The following SLC7A11 variants were observed in gnomAD, a reference collection of about 807,000 sequenced individuals.
SLC7A11 encodes solute carrier family 7 member 11, also known as cystine/glutamate transporter.
SLC7A11 carries 35 observed loss-of-function variants against 54.5 expected under a neutral mutation model. That is an observed-to-expected ratio of 0.64 (90% CI 0.49 to 0.85). The LOEUF (loss-of-function observed/expected upper bound fraction) is 0.85. SLC7A11 is among the 40% of genes least tolerant of loss of function. The pLI, the probability that SLC7A11 is intolerant of heterozygous loss-of-function variation, is 0.00. For synonymous variants in SLC7A11, 230 were observed against 225.2 expected, an observed-to-expected ratio of 1.02 and a Z score of -0.19; for missense variants, 583 against 618.1, an observed-to-expected ratio of 0.94 and a Z score of 0.60.
At chr4:138,188,743 C>CCA (rs949280839) in intron 6 of SLC7A11, among the ~76,000 whole-genome samples, 2 of 152,138 alleles carry the variant, frequency 1.3e-5, no homozygotes, top group African/African-American at 2.4e-5. Flanking sequence ...AACCAGTAGG[C>CCA]CACGGATATT....
At chr4:138,204,842 C>T (rs1361098892) in intron 6 of SLC7A11, among the ~76,000 whole-genome samples, 2 of 152,000 alleles carry the variant, frequency 1.3e-5, no homozygotes, top group Admixed American at 6.6e-5. Flanking sequence ...ATCTTCTGAA[C>T]CTTTTAACTA....
intron 6 of SLC7A11, 117 bp downstream of exon 6, chr4:138,214,468 T>A: frequency 2.0e-6 from 1 of 495,318 alleles, no homozygotes; most frequent in Non-Finnish European, 3.7e-6. Flanking sequence ...GTGATGATGA[T>A]GACGATGTTA....
chr4:138,222,910 T>C (rs912010098), intron 4 of SLC7A11, among the ~76,000 whole-genome samples: 1 of 28,018 alleles, frequency 3.6e-5, no homozygotes, highest in Non-Finnish European at 8.3e-5. Context: ...AGTGGCAGGT[T>C]TTTTTTTTTT....
chr4:138,189,788 TG>T (rs779163445), intron 6 of SLC7A11, among the ~76,000 whole-genome samples: 16 of 152,186 alleles, frequency 1.1e-4, no homozygotes, highest in Non-Finnish European at 2.1e-4. Flanking sequence ...AAATGACTAT[TG>T]TTTCCAGTGC....
At chr4:138,237,727 ATATATATATATTTTTTTTTT>A (rs1738260787) in intron 1 of SLC7A11, among the ~76,000 whole-genome samples, 3 of 8,766 alleles carry the variant, frequency 3.4e-4, no homozygotes, top group Middle Eastern at 0.053. Context: ...ATATATATAT[ATATATATATATTTTTTTTTT>A]TTTTTTTTTT....
chr4:138,197,332 GA>G (rs1217290638), intron 6 of SLC7A11, among the ~76,000 whole-genome samples: 3 of 152,160 alleles, frequency 2.0e-5, no homozygotes, highest in African/African-American at 7.2e-5. Flanking sequence ...GAAGTATTCT[GA>G]AAAGTAGAAA....
intron 3 of SLC7A11, among the ~76,000 whole-genome samples, chr4:138,229,753 T>C (rs1350546718): frequency 1.3e-5 from 2 of 152,220 alleles, no homozygotes; most frequent in Admixed American, 6.5e-5. Flanking sequence ...TCTAGACTTA[T>C]AAAAACATAA....
At chr4:138,210,296 A>T (rs1737516906) in intron 6 of SLC7A11, among the ~76,000 whole-genome samples, 1 of 152,014 alleles carries the variant, frequency 6.6e-6, no homozygotes, top group Admixed American at 6.6e-5. Context: ...AAACCCAAGA[A>T]GAAAACCTAG....
chr4:138,167,012 A>G lies in SLC7A11; in HGVS notation c.*4944T>C, dbSNP rs570233968. Reference sequence around the variant, plus strand: ...ACAAAACATTTATTTTTAGACACCAACTAATTGGAAAATATAAGGAAAGAA... The same window carrying G: ...ACAAAACATTTATTTTTAGACACCAGCTAATTGGAAAATATAAGGAAAGAA... On this transcript the variant is annotated 3_prime_UTR_variant, in exon 12 of 12. Coordinates refer to ENST00000280612, the MANE Select transcript of SLC7A11 (RefSeq NM_014331.4). 6.6e-6 allele frequency: 1 copy of G among 152,240 alleles called. No individual in the cohort carries two copies. The highest frequency in any genetic ancestry group is 2.4e-5 in the African/African-American group (1 of 41,540). The allele number at this position is 152,240 out of a possible 1,614,324, so 9.4% of individuals were successfully genotyped here. A position where few individuals can be genotyped will look rare whatever the true frequency, so the allele number is the denominator to read the frequency against.
In SLC7A11 at chr4:138,185,156, C is replaced by T. The variant is rs753044537; in HGVS notation, c.880G>A (p.Ala294Thr). The part of the protein sequence containing the change: ...TNVAYFTTIN[A>T]EELLLSNAVA... ...GCATTTGAAAGCAGCAGCTCCTCAG[C>T]ATTAATGGTCGTAAAGTAGGCCACA... The change falls in exon 7 of 12, where the codon GCT becomes ACT. Residue 294 changes from alanine to threonine, a missense_variant. Ala to Thr is a moderately conservative substitution (Grantham distance 58). Transcript: ENST00000280612. 16 of 1,612,980 alleles carry T rather than the reference C, an allele frequency of 9.9e-6. No individual in the cohort carries two copies. The highest frequency in any genetic ancestry group is 1.3e-5 in the Non-Finnish European group (15 of 1,179,260).
Position 138,169,922 on chromosome 4 carries a change from T to C in SLC7A11, c.*2034A>G, listed in dbSNP as rs1560713057. On this transcript the variant is annotated 3_prime_UTR_variant, in exon 12 of 12. Transcript: ENST00000280612. Reference sequence around the variant, plus strand: ...TTAGGTTCAGCTAAAGAAATGTCAGTCTTGGATATATATTAAATGTTTTCA... The same window carrying C: ...TTAGGTTCAGCTAAAGAAATGTCAGCCTTGGATATATATTAAATGTTTTCA... 6.6e-6 allele frequency: 1 copy of C among 151,850 alleles called. No individual in the cohort carries two copies. The allele number at this position is 151,850 out of a possible 1,614,324, so 9.4% of individuals were successfully genotyped here.
intron 5 of SLC7A11, among the ~76,000 whole-genome samples, chr4:138,216,668 A>G (rs1359504102): frequency 6.6e-6 from 1 of 152,194 alleles, no homozygotes; most frequent in East Asian, 1.9e-4. Flanking sequence ...GCTTGGTGGT[A>G]TCTTTTTCCT....
chr4:138,176,289 G>A (rs930246617), intron 11 of SLC7A11: 1 of 152,074 alleles, frequency 6.6e-6, no homozygotes, highest in South Asian at 2.1e-4. Context: ...TACAATGATC[G>A]CAGTTTAAAA....
In SLC7A11 at chr4:138,165,708, G is replaced by A. The variant is rs1363753519; in HGVS notation, c.*6248C>T. 6.6e-6 allele frequency: 1 copy of A among 152,082 alleles called. No individual in the cohort carries two copies. The highest frequency in any genetic ancestry group is 1.5e-5 in the Non-Finnish European group (1 of 67,996). The allele number at this position is 152,082 out of a possible 1,614,324, so 9.4% of individuals were successfully genotyped here. A position where few individuals can be genotyped will look rare whatever the true frequency, so the allele number is the denominator to read the frequency against. ...GATACTACTATAGATTCTAGGAATT[G>A]TCCTAAAAGAGTAAAGTGTTGTTTC... On this transcript the variant is annotated 3_prime_UTR_variant, in exon 12 of 12. Coordinates refer to ENST00000280612, the MANE Select transcript of SLC7A11 (RefSeq NM_014331.4).
intron 1 of SLC7A11, among the ~76,000 whole-genome samples, chr4:138,241,511 A>C (rs757029316): frequency 1.2e-4 from 19 of 152,170 alleles, no homozygotes; most frequent in Non-Finnish European, 2.1e-4. Context: ...CTGGGTCATG[A>C]AAGTTAGCCT....
At chr4:138,201,560 G>A (rs1363894821) in intron 6 of SLC7A11, among the ~76,000 whole-genome samples, 1 of 152,112 alleles carries the variant, frequency 6.6e-6, no homozygotes, top group Non-Finnish European at 1.5e-5. Flanking sequence ...CTCTGAGACT[G>A]AGATAATTGT....
intron 5 of SLC7A11, among the ~76,000 whole-genome samples, chr4:138,217,007 T>C (rs1168077743): frequency 6.6e-6 from 1 of 152,204 alleles, no homozygotes; most frequent in African/African-American, 2.4e-5. Flanking sequence ...TCTTGTTTCA[T>C]TTACATCCAG....
At position 138,180,666 on chromosome 4, in the gene SLC7A11, C is replaced by T. The variant is rs1334620660; in HGVS notation, c.1241G>A (p.Cys414Tyr). Residue 414 changes from cysteine to tyrosine, a missense_variant, in exon 10 of 12, where the codon TGC becomes TAC. Physicochemically the swap from Cys to Tyr is radical, Grantham distance 194 (BLOSUM62 -2). Coordinates refer to ENST00000280612, the MANE Select transcript of SLC7A11 (RefSeq NM_014331.4). Reference sequence around the variant, plus strand: ...CTTGAAAGGACGATGCATATCTGGGCATTTGTATCGAAGATAAATCAGCCC... The same window carrying T: ...CTTGAAAGGACGATGCATATCTGGGTATTTGTATCGAAGATAAATCAGCCC... ...VAGLIYLRYK[C>Y]PDMHRPFKVP... is the part of the protein sequence containing the mutation. The T allele has an allele frequency of 6.2e-7, 1 of 1,612,950 alleles. No homozygotes were observed. The highest frequency in any genetic ancestry group is 1.7e-5 in the Admixed American group (1 of 59,864).
At chr4:138,196,706 C>T (rs537469492) in intron 6 of SLC7A11, among the ~76,000 whole-genome samples, 107 of 151,956 alleles carry the variant, frequency 7.0e-4, no homozygotes, top group African/African-American at 1.7e-3. Flanking sequence ...GTCACCCGGG[C>T]GGGAGTGCAA....
Sources: allele counts gnomAD v4.1 joint callset (sites outside exome capture counted in the v4.1 genomes callset), GRCh38; gene constraint gnomAD v4.1.1; transcripts MANE v1.5; gene names NCBI Gene and HGNC (gene_info 2026-07-23, HGNC 2026-07-21).